SPAG16: variants seen among roughly 807,000 people sequenced by gnomAD.
SPAG16 encodes sperm-associated antigen 16 protein.
Under a neutral mutation model 80.4 loss-of-function variants are expected in SPAG16, and 86 were observed. That is an observed-to-expected ratio of 1.07 (90% CI 0.90 to 1.28). The LOEUF (loss-of-function observed/expected upper bound fraction) is 1.28, where lower values mean the gene tolerates loss of function less well. Among genes scored for constraint, SPAG16 ranks in the 50% most tolerant of loss-of-function variants. The probability of loss-of-function intolerance (pLI) is 0.00; values close to 1 mark genes in which losing one functional copy is unlikely to be tolerated. For synonymous variants in SPAG16, 294 were observed against 265.9 expected, an observed-to-expected ratio of 1.11 and a Z score of -1.03; for missense variants, 870 against 765.3, an observed-to-expected ratio of 1.14 and a Z score of -1.61.
intron 15 of SPAG16, among the ~76,000 whole-genome samples, chr2:214,307,132 A>G (rs1387591069): frequency 1.3e-5 from 2 of 152,052 alleles, no homozygotes; most frequent in Non-Finnish European, 2.9e-5. Context: ...TATGTCCAGG[A>G]ATTTATCCAT....
At chr2:213,744,330 G>A (rs1575011912) in intron 10 of SPAG16, among the ~76,000 whole-genome samples, 2 of 152,150 alleles carry the variant, frequency 1.3e-5, no homozygotes, top group South Asian at 4.2e-4. Flanking sequence ...ATGTTGGCTG[G>A]AAACTGGATT....
chr2:214,363,768 T>C lies in SPAG16; in HGVS notation c.1721-46372T>C, dbSNP rs939085192. Among the ~76,000 whole-genome samples the C allele has an allele frequency of 3.9e-5, 6 of 152,030 alleles. No individual in the cohort carries two copies. In the South Asian group the frequency reaches 1.2e-3, roughly 31 times the overall value. ...CAAAGGTTACAAAGACCGAAGGTAATAGGGGTTACAGAAGTTGGTGTTAGC... is the reference window on the plus strand; with the variant it reads ...CAAAGGTTACAAAGACCGAAGGTAACAGGGGTTACAGAAGTTGGTGTTAGC... On this transcript the variant is annotated intron_variant, in intron 15 of 15. Coordinates refer to ENST00000331683, the MANE Select transcript of SPAG16 (RefSeq NM_024532.5).
chr2:213,815,112 T>G (rs542692593), intron 10 of SPAG16, among the ~76,000 whole-genome samples: 1 of 152,130 alleles, frequency 6.6e-6, no homozygotes, highest in East Asian at 1.9e-4. Context: ...GAATAAATAA[T>G]CAAGATATTC....
chr2:214,012,288 A>ATATATAT (rs1553694500), intron 12 of SPAG16, among the ~76,000 whole-genome samples: 6 of 46,822 alleles, frequency 1.3e-4, no homozygotes, highest in African/African-American at 3.7e-4. Context: ...ATATATATAT[A>ATATATAT]TTTTTTTTTT....
At chr2:214,043,178 A>C (rs915366091) in intron 13 of SPAG16, among the ~76,000 whole-genome samples, 1 of 151,724 alleles carries the variant, frequency 6.6e-6, no homozygotes. Flanking sequence ...AGATCACCTC[A>C]TGCAGTGGGA....
intron 11 of SPAG16, among the ~76,000 whole-genome samples, chr2:213,909,076 A>G (rs571385670): frequency 6.6e-6 from 1 of 152,236 alleles, no homozygotes; most frequent in Non-Finnish European, 1.5e-5. Context: ...ATTCTTATAC[A>G]CCAAAAACAG....
intron 15 of SPAG16, among the ~76,000 whole-genome samples, chr2:214,334,222 T>C (rs758209845): frequency 4.6e-5 from 7 of 152,180 alleles, no homozygotes; most frequent in Non-Finnish European, 8.8e-5. Flanking sequence ...AACTCTGGTA[T>C]TGGCCAGGTT....
intron 15 of SPAG16, among the ~76,000 whole-genome samples, chr2:214,364,308 C>T (rs1699350727): frequency 6.6e-6 from 1 of 151,966 alleles, no homozygotes; most frequent in Non-Finnish European, 1.5e-5. Context: ...TGTAAAATGT[C>T]CTTCATTTGT....
intron 3 of SPAG16, among the ~76,000 whole-genome samples, chr2:213,299,134 C>T (rs1306411782): frequency 6.6e-6 from 1 of 151,936 alleles, no homozygotes; most frequent in Non-Finnish European, 1.5e-5. Context: ...TCTCTATGCA[C>T]AGAACTCTTA....
intron 15 of SPAG16, among the ~76,000 whole-genome samples, chr2:214,219,853 C>A (rs1313453576): frequency 6.6e-6 from 1 of 151,926 alleles, no homozygotes; most frequent in African/African-American, 2.4e-5. Context: ...AATACCAAAC[C>A]AAATATTTCT....
chr2:214,019,480 C>T (rs898935374), intron 13 of SPAG16, among the ~76,000 whole-genome samples: 24 of 152,260 alleles, frequency 1.6e-4, no homozygotes, highest in African/African-American at 5.1e-4. Context: ...CTTAGACTAA[C>T]TGCGGGCACT....
intron 10 of SPAG16, among the ~76,000 whole-genome samples, chr2:213,543,451 G>A (rs773683983): frequency 7.2e-5 from 11 of 151,814 alleles, no homozygotes; most frequent in Non-Finnish European, 1.6e-4. Context: ...TTTTCCTCTT[G>A]TGGATTTTAA....
chr2:214,276,656 G>C (rs114500475), intron 15 of SPAG16, among the ~76,000 whole-genome samples: 1 of 152,212 alleles, frequency 6.6e-6, no homozygotes, highest in East Asian at 1.9e-4. Context: ...TCTGCAGAGA[G>C]ATCTGCTGTT....
At chr2:214,181,952 A>C (rs1316978874) in intron 15 of SPAG16, among the ~76,000 whole-genome samples, 1 of 151,800 alleles carries the variant, frequency 6.6e-6, no homozygotes, top group African/African-American at 2.4e-5. Context: ...CACCACCAGC[A>C]CACACATACT....
At chr2:213,991,028 A>G (rs1361327032) in intron 12 of SPAG16, among the ~76,000 whole-genome samples, 1 of 151,862 alleles carries the variant, frequency 6.6e-6, no homozygotes, top group Non-Finnish European at 1.5e-5. Flanking sequence ...ATTATACTTT[A>G]AGTTCTGAGG....
rs553134736 is a variant in SPAG16 at position 213,292,480 on chromosome 2, C to T, written c.137-3584C>T. ...GAGATCGAGACCATCCCGGCTAAAA[C>T]GGTGAAACCCCGTCTCTACTAAAAA... On this transcript the variant is annotated intron_variant, in intron 1 of 15. Coordinates refer to ENST00000331683, the MANE Select transcript of SPAG16 (RefSeq NM_024532.5). Among the ~76,000 whole-genome samples the T allele has an allele frequency of 1.7e-4, 26 of 151,228 alleles. No homozygotes were observed. In the South Asian group the frequency reaches 2.3e-3, roughly 13 times the overall value.
rs544566581 is a variant in SPAG16, at chr2:214,132,640, T to A, written c.1594-16500T>A. Among the ~76,000 whole-genome samples, 3 of 152,132 alleles carry A rather than the reference T, an allele frequency of 2.0e-5. No homozygotes were observed. The South Asian group carries it at 6.2e-4, about 32-fold the overall frequency. On this transcript the variant is annotated intron_variant, in intron 14 of 15. Transcript: ENST00000331683. ...GGTTGATATTTACCAGAAAAATAAA[T>A]AAGGAATGAGTATCCCAGTCAGTGG...
chr2:214,121,747 C>G lies in SPAG16; in HGVS notation c.1593+13486C>G, dbSNP rs542886392. 4.1e-4 allele frequency among the ~76,000 whole-genome samples: 62 copies of G among 151,932 alleles called. 1 individual carries two copies. In the South Asian group the frequency reaches 0.012, roughly 28 times the overall value. On this transcript the variant is annotated intron_variant, in intron 14 of 15. Transcript: ENST00000331683. ...GAAAATTCAACACCTGACACCTTTG[C>G]TTTTTGCTAATTTAGTGTACACAAA...
intron 12 of SPAG16, among the ~76,000 whole-genome samples, chr2:213,964,142 A>G (rs2044590795): frequency 2.0e-5 from 3 of 152,142 alleles, no homozygotes; most frequent in Non-Finnish European, 4.4e-5. Flanking sequence ...GTATTTGCCT[A>G]TTTGAAATTG....
Sources: gnomAD v4.1 joint callset for allele counts (sites outside exome capture counted in the v4.1 genomes callset) on GRCh38, gnomAD v4.1.1 for gene constraint, MANE v1.5 for transcripts, NCBI Gene and HGNC (gene_info 2026-07-23, HGNC 2026-07-21) for gene names.